PRKG1: variants seen among roughly 807,000 people sequenced by gnomAD.
The protein encoded by PRKG1 is protein kinase cGMP-dependent 1.
PRKG1 carries 35 observed loss-of-function variants against 88.1 expected under a neutral mutation model. The ratio of observed to expected loss-of-function variants is 0.40; its 90% confidence interval spans 0.30 to 0.53. The LOEUF is 0.53. Ranked by LOEUF, PRKG1 falls within the 20% of genes least tolerant of loss-of-function variation. The pLI, the probability that PRKG1 is intolerant of heterozygous loss-of-function variation, is 0.59. For synonymous variants in PRKG1, 303 were observed against 292.5 expected, an observed-to-expected ratio of 1.04 and a Z score of -0.37; for missense variants, 540 against 839.8, an observed-to-expected ratio of 0.64 and a Z score of 4.41.
intron 3 of PRKG1, among the ~76,000 whole-genome samples, chr10:51,779,746 G>A (rs912022249): frequency 7.9e-5 from 12 of 152,058 alleles, no homozygotes; most frequent in African/African-American, 2.9e-4. Context: ...GTTTGCAGTT[G>A]TGACCTGGCT....
intron 2 of PRKG1, among the ~76,000 whole-genome samples, chr10:51,426,936 C>T (rs1456087711): frequency 1.3e-5 from 2 of 152,064 alleles, no homozygotes; most frequent in Non-Finnish European, 2.9e-5. Flanking sequence ...CTTTGTTATT[C>T]TTACTTTTCA....
chr10:51,530,716 G>C (rs575707246), intron 3 of PRKG1, among the ~76,000 whole-genome samples: 1 of 152,206 alleles, frequency 6.6e-6, no homozygotes, highest in African/African-American at 2.4e-5. Context: ...CTCCAGTGAG[G>C]CTGCCAGGAA....
intron 7 of PRKG1, among the ~76,000 whole-genome samples, chr10:52,086,931 T>C (rs1022347066): frequency 3.3e-5 from 5 of 152,032 alleles, no homozygotes; most frequent in African/African-American, 1.2e-4. Context: ...CAAGGAGAAG[T>C]GCCGAGTAAA....
chr10:51,864,461 A>G (rs1840965505), intron 4 of PRKG1, among the ~76,000 whole-genome samples: 3 of 152,244 alleles, frequency 2.0e-5, no homozygotes, highest in South Asian at 4.1e-4. Context: ...AGCATATCAC[A>G]TTTAAGCTAA....
intron 2 of PRKG1, among the ~76,000 whole-genome samples, chr10:51,381,276 A>G (rs1203320510): frequency 3.1e-4 from 27 of 88,288 alleles, no homozygotes; most frequent in African/African-American, 1.0e-3. Context: ...AAAAAAAAAA[A>G]AAAAAAAAAA....
intron 2 of PRKG1, among the ~76,000 whole-genome samples, chr10:51,176,376 G>C (rs889422881): frequency 5.3e-5 from 8 of 151,992 alleles, no homozygotes; most frequent in African/African-American, 1.7e-4. Context: ...GAGATAGCTG[G>C]TTCAGTCAAT....
Position 52,022,299 on chromosome 10 carries a change from C to T in PRKG1, c.763-32185C>T, listed in dbSNP as rs79870543. Among the ~76,000 whole-genome samples, 6 of 152,114 alleles carry T rather than the reference C, an allele frequency of 3.9e-5. No homozygotes were observed. In the East Asian group the frequency reaches 1.2e-3, roughly 29 times the overall value. ...TCAATTTTCAACTTTTGTTGGGTTT[C>T]TTGGGACATAACCCCATCGTAAGTC... On this transcript the variant is annotated intron_variant, in intron 5 of 17. Coordinates refer to ENST00000373980, the MANE Select transcript of PRKG1 (RefSeq NM_006258.4).
intron 2 of PRKG1, among the ~76,000 whole-genome samples, chr10:51,297,261 T>C (rs923630542): frequency 3.3e-5 from 5 of 152,088 alleles, no homozygotes; most frequent in Admixed American, 2.6e-4. Flanking sequence ...ACTCTGTGAA[T>C]CAACTTGTTC....
rs189560103 is a variant in PRKG1, at chr10:51,448,382, A to T, written c.479-19341A>T. 1.7e-3 allele frequency among the ~76,000 whole-genome samples: 255 copies of T among 152,210 alleles called. 1 individual carries two copies. The highest frequency in any genetic ancestry group is 5.7e-3 in the African/African-American group (239 of 41,578). ...TAAATATATCCACATCTTACCACAG[A>T]TGTGGATCATCTCTAAAGGGTTTAA... is the stretch of plus-strand genomic sequence containing the variant. On this transcript the variant is annotated intron_variant, in intron 2 of 17. Transcript: ENST00000373980.
intron 1 of PRKG1, among the ~76,000 whole-genome samples, chr10:51,117,403 C>G (rs914060847): frequency 7.9e-5 from 12 of 152,206 alleles, no homozygotes; most frequent in African/African-American, 2.7e-4. Context: ...TGTATTTTTT[C>G]ACAGGCAATA....
At chr10:51,263,360 T>C (rs1839761314) in intron 2 of PRKG1, among the ~76,000 whole-genome samples, 2 of 152,204 alleles carry the variant, frequency 1.3e-5, no homozygotes, top group East Asian at 3.8e-4. Context: ...TGTTTGTTTG[T>C]TTGTTTTTTC....
At chr10:51,414,090 C>A (rs935340425) in intron 2 of PRKG1, among the ~76,000 whole-genome samples, 2 of 152,162 alleles carry the variant, frequency 1.3e-5, no homozygotes, top group Non-Finnish European at 2.9e-5. Flanking sequence ...TAACAATACC[C>A]ATTTTTTAGA....
chr10:52,187,790 A>C (rs1839236600), intron 9 of PRKG1, among the ~76,000 whole-genome samples: 1 of 152,200 alleles, frequency 6.6e-6, no homozygotes. Context: ...GATTGAGGGA[A>C]GACTCAGAAA....
intron 1 of PRKG1, among the ~76,000 whole-genome samples, chr10:51,093,835 C>T (rs1004291153): frequency 6.8e-5 from 10 of 146,942 alleles, no homozygotes; most frequent in South Asian, 6.4e-4. Context: ...CACACACACA[C>T]GCCATGCACT....
chr10:52,032,905 C>T (rs779275470), intron 5 of PRKG1, among the ~76,000 whole-genome samples: 13 of 152,124 alleles, frequency 8.5e-5, no homozygotes, highest in Non-Finnish European at 1.5e-4. Flanking sequence ...TCTGCAGAGA[C>T]ATCCTAATGT....
intron 2 of PRKG1, among the ~76,000 whole-genome samples, chr10:51,361,861 T>C (rs1005014429): frequency 6.6e-6 from 1 of 151,958 alleles, no homozygotes; most frequent in African/African-American, 2.4e-5. Context: ...AATCAATCTA[T>C]TGAAATTGCA....
intron 8 of PRKG1, among the ~76,000 whole-genome samples, chr10:52,148,303 A>C (rs971654926): frequency 6.6e-6 from 1 of 152,154 alleles, no homozygotes; most frequent in Non-Finnish European, 1.5e-5. Flanking sequence ...CCTACAATGC[A>C]CAGGACAGCT....
intron 1 of PRKG1, among the ~76,000 whole-genome samples, chr10:51,030,283 G>C (rs187619393): frequency 2.6e-5 from 4 of 151,524 alleles, no homozygotes; most frequent in Non-Finnish European, 5.9e-5. Flanking sequence ...TCAAAAAATA[G>C]CACTATATTA....
At chr10:51,581,473 C>G (rs1031698098) in intron 3 of PRKG1, among the ~76,000 whole-genome samples, 4 of 152,078 alleles carry the variant, frequency 2.6e-5, no homozygotes, top group African/African-American at 9.7e-5. Flanking sequence ...TCCATATGGA[C>G]AGGTGCCCCT....
Sources: allele counts gnomAD v4.1 joint callset (sites outside exome capture counted in the v4.1 genomes callset), GRCh38; gene constraint gnomAD v4.1.1; transcripts MANE v1.5; gene names NCBI Gene and HGNC (gene_info 2026-07-23, HGNC 2026-07-21).